The following DLEU7 variants were observed in gnomAD, a reference collection of about 807,000 sequenced individuals.
DLEU7 encodes the protein leukemia-associated protein 7.
DLEU7 carries 17 observed loss-of-function variants against 16.0 expected under a neutral mutation model. The ratio of observed to expected loss-of-function variants is 1.06; its 90% confidence interval spans 0.73 to 1.59. The LOEUF (loss-of-function observed/expected upper bound fraction) is 1.59. Ranked by LOEUF, DLEU7 falls within the 40% of genes most tolerant of loss-of-function variation. The pLI is 0.00. For synonymous variants in DLEU7, 113 were observed against 139.8 expected, an observed-to-expected ratio of 0.81 and a Z score of 1.35; for missense variants, 308 against 314.9, an observed-to-expected ratio of 0.98 and a Z score of 0.17.
intron 1 of DLEU7, among the ~76,000 whole-genome samples, chr13:50,774,092 C>A (rs1041103348): frequency 6.6e-6 from 1 of 152,092 alleles, no homozygotes; most frequent in East Asian, 1.9e-4. Context: ...GGTGTAATTT[C>A]CTGGTGTGCC....
downstream of DLEU7, among the ~76,000 whole-genome samples, chr13:50,820,819 CA>C (rs781582533): frequency 1.3e-5 from 2 of 151,882 alleles, no homozygotes; most frequent in Non-Finnish European, 2.9e-5. Flanking sequence ...GAAATAGGTA[CA>C]ATTAATTTTA....
At chr13:50,788,914 A>AC (rs1429896520) in intron 1 of DLEU7, among the ~76,000 whole-genome samples, 1 of 152,094 alleles carries the variant, frequency 6.6e-6, no homozygotes, top group Non-Finnish European at 1.5e-5. Context: ...TCAGCTGTAA[A>AC]CCCAGAGCGG....
intron 1 of DLEU7, among the ~76,000 whole-genome samples, chr13:50,836,163 C>T (rs1038603365): frequency 1.3e-5 from 2 of 152,238 alleles, no homozygotes; most frequent in African/African-American, 4.8e-5. Flanking sequence ...TGAAAACAGT[C>T]ACCTCTTGAG....
Position 50,760,930 on chromosome 13 carries a change from G to A in DLEU7, c.460-47690C>T, listed in dbSNP as rs191231729. Among the ~76,000 whole-genome samples, 709 of 152,234 alleles carry A rather than the reference G, an allele frequency of 4.7e-3. 6 individuals are homozygous for A. Among genetic ancestry groups the A allele is most frequent in the African/African-American group, 0.016 (659 of 41,550 alleles). On this transcript the variant is annotated intron_variant, in intron 1 of 1. Coordinates refer to the DLEU7 transcript ENST00000400393. ...GGGCCTATGATTCATTTGGGGCAATGAAAATTTGTGGTATTTCCAAGTAGA... is the reference window on the plus strand; with the variant it reads ...GGGCCTATGATTCATTTGGGGCAATAAAAATTTGTGGTATTTCCAAGTAGA...
intron 1 of DLEU7, among the ~76,000 whole-genome samples, chr13:50,794,330 G>A (rs918233350): frequency 6.6e-6 from 1 of 151,052 alleles, no homozygotes; most frequent in Non-Finnish European, 1.5e-5. Context: ...GGAGTGTTTG[G>A]TCACAATAAT....
chr13:50,747,116 G>A (rs1207334447), intron 1 of DLEU7, among the ~76,000 whole-genome samples: 1 of 152,186 alleles, frequency 6.6e-6, no homozygotes, highest in East Asian at 1.9e-4. Flanking sequence ...TTCTGAATGG[G>A]TTAGAATTGT....
chr13:50,776,198 G>A (rs1234026046), intron 1 of DLEU7, among the ~76,000 whole-genome samples: 3 of 152,200 alleles, frequency 2.0e-5, no homozygotes, highest in Non-Finnish European at 4.4e-5. Context: ...ACTCTTGGTA[G>A]ATGGTATCAT....
At chr13:50,785,666 A>T (rs1022941228) in intron 1 of DLEU7, among the ~76,000 whole-genome samples, 3 of 152,238 alleles carry the variant, frequency 2.0e-5, no homozygotes, top group Non-Finnish European at 4.4e-5. Flanking sequence ...CTCCTGTGGC[A>T]TCACTTCCTT....
intron 1 of DLEU7, among the ~76,000 whole-genome samples, chr13:50,791,472 C>G (rs534435040): frequency 2.0e-5 from 3 of 152,246 alleles, no homozygotes; most frequent in South Asian, 4.1e-4. Context: ...ACAGGGTAGA[C>G]TGGACACATG....
intron 1 of DLEU7, among the ~76,000 whole-genome samples, chr13:50,813,888 G>T (rs1254076360): frequency 2.0e-5 from 3 of 152,060 alleles, no homozygotes; most frequent in Non-Finnish European, 4.4e-5. Flanking sequence ...GGGATCTCTT[G>T]TGAAGTGAAA....
intron 1 of DLEU7, among the ~76,000 whole-genome samples, chr13:50,766,296 G>A (rs993566287): frequency 2.0e-5 from 3 of 152,174 alleles, no homozygotes; most frequent in Non-Finnish European, 4.4e-5. Flanking sequence ...CAGCTGCAGC[G>A]GCTGCACTCC....
At chr13:50,756,051 TC>T (rs1487119873) in intron 1 of DLEU7, among the ~76,000 whole-genome samples, 2 of 152,082 alleles carry the variant, frequency 1.3e-5, no homozygotes, top group Admixed American at 6.5e-5. Context: ...CTGCACAGAG[TC>T]CTGTGATGTG....
chr13:50,738,469 C>T (rs529374993), intron 1 of DLEU7, among the ~76,000 whole-genome samples: 3 of 152,090 alleles, frequency 2.0e-5, no homozygotes, highest in African/African-American at 7.2e-5. Flanking sequence ...TTTAAATTCT[C>T]AATGGCAATG....
chr13:50,836,722 G>A (rs996006650), intron 1 of DLEU7, among the ~76,000 whole-genome samples: 1 of 151,866 alleles, frequency 6.6e-6, no homozygotes, highest in Admixed American at 6.6e-5. Context: ...AAGGAAGGAG[G>A]CAAGGAAGGA....
intron 1 of DLEU7, among the ~76,000 whole-genome samples, chr13:50,787,490 G>A (rs1037721266): frequency 2.0e-5 from 3 of 152,064 alleles, no homozygotes; most frequent in African/African-American, 7.2e-5. Context: ...GCAAATCAAA[G>A]GGCGGCACCC....
chr13:50,779,017 C>T (rs1336120275), intron 1 of DLEU7, among the ~76,000 whole-genome samples: 1 of 152,174 alleles, frequency 6.6e-6, no homozygotes, highest in African/African-American at 2.4e-5. Flanking sequence ...CTCACAAAGG[C>T]CTACTAGGGT....
chr13:50,781,311 G>A (rs183548087), intron 1 of DLEU7, among the ~76,000 whole-genome samples: 11 of 152,272 alleles, frequency 7.2e-5, no homozygotes, highest in Admixed American at 6.5e-5. Context: ...CAAAAATAGC[G>A]AAGCACATTT....
chr13:50,717,580 GTT>G (rs113474412), intron 1 of DLEU7, among the ~76,000 whole-genome samples: 3 of 141,694 alleles, frequency 2.1e-5, no homozygotes, highest in South Asian at 2.3e-4. Context: ...TAGGCTGTGG[GTT>G]TTTTTTTTTT....
intron 1 of DLEU7, among the ~76,000 whole-genome samples, chr13:50,770,792 GA>G (rs1210245183): frequency 6.6e-6 from 1 of 151,182 alleles, no homozygotes; most frequent in African/African-American, 2.4e-5. Context: ...CTCATAAAAT[GA>G]AGGAGGATCC....
Sources: gnomAD v4.1 joint callset for allele counts (sites outside exome capture counted in the v4.1 genomes callset) on GRCh38, gnomAD v4.1.1 for gene constraint, MANE v1.5 for transcripts, NCBI Gene and HGNC (gene_info 2026-07-23, HGNC 2026-07-21) for gene names.